Variants in CADPS observed in about 807,000 individuals in gnomAD.
CADPS encodes the protein calcium-dependent secretion activator 1.
A neutral mutation model predicts 167.3 loss-of-function variants in CADPS; 57 were observed. The observed-to-expected ratio is 0.34, with a 90% confidence interval of 0.28 to 0.42. The LOEUF (loss-of-function observed/expected upper bound fraction) is 0.42. CADPS is among the 20% of genes least tolerant of loss of function. The pLI, the probability that CADPS is intolerant of heterozygous loss-of-function variation, is 1.00. For missense variants in CADPS, 1,414 were observed against 1,738.1 expected (o/e 0.81, Z 3.32); for synonymous variants, 676 against 635.3 (o/e 1.06, Z -0.96).
chr3:62,428,673 A>T (rs774610795), intron 28 of CADPS, among the ~76,000 whole-genome samples: 22 of 152,132 alleles, frequency 1.4e-4, no homozygotes, highest in Non-Finnish European at 2.4e-4. Context: ...TTTTTGTGTG[A>T]TGATGGCAGT....
chr3:62,523,952 G>A (rs904594214), intron 13 of CADPS, among the ~76,000 whole-genome samples: 6 of 152,162 alleles, frequency 3.9e-5, no homozygotes, highest in South Asian at 2.1e-4. Flanking sequence ...TACTTGCTAC[G>A]AAATTGTTCC....
chr3:62,423,031 G>A (rs959999291), intron 28 of CADPS, among the ~76,000 whole-genome samples: 1 of 152,206 alleles, frequency 6.6e-6, no homozygotes. Context: ...AGAACACAGA[G>A]GGAGAGATAG....
In CADPS at chr3:62,438,177, G is replaced by A; in HGVS notation, c.3704C>T (p.Thr1235Ile). 3 of 1,613,738 alleles carry A rather than the reference G, an allele frequency of 1.9e-6. No homozygotes were observed. The highest frequency in any genetic ancestry group is 2.5e-6 in the Non-Finnish European group (3 of 1,179,714). ...PGMDVADAYV[T>I]FVRHSQDVLR... ...GACATCCTGAGAATGGCGGACGAAAGTCACGTAGGCGTCGGCCACGTCCAT... is the reference window on the plus strand; with the variant it reads ...GACATCCTGAGAATGGCGGACGAAAATCACGTAGGCGTCGGCCACGTCCAT... The change falls in exon 28 of 30, where the codon ACT becomes ATT. Residue 1235 changes from threonine to isoleucine, a missense_variant. Thr to Ile is a moderately conservative substitution (Grantham distance 89). Coordinates refer to ENST00000383710, the MANE Select transcript of CADPS (RefSeq NM_003716.4). The surrounding 1 kb of genome is among the most constrained non-coding windows in gnomAD (Gnocchi z 4.7).
chr3:62,715,550 T>C (rs1192221405), intron 3 of CADPS, among the ~76,000 whole-genome samples: 1 of 151,058 alleles, frequency 6.6e-6, no homozygotes, highest in Non-Finnish European at 1.5e-5. Context: ...CATATGCACA[T>C]TAAATATCAT....
chr3:62,629,427 G>A (rs778794769), intron 6 of CADPS, among the ~76,000 whole-genome samples: 2 of 152,202 alleles, frequency 1.3e-5, no homozygotes, highest in Non-Finnish European at 2.9e-5. Flanking sequence ...GCTTATCAAT[G>A]TTGGAGCATG....
At chr3:62,859,874 G>A (rs72884004) in intron 1 of CADPS, among the ~76,000 whole-genome samples, 3,031 of 152,216 alleles carry the variant, frequency 0.02, 103 homozygotes, top group African/African-American at 0.069. Flanking sequence ...TCAAGACAAG[G>A]TCAAGGCCAA....
intron 3 of CADPS, among the ~76,000 whole-genome samples, chr3:62,706,372 A>G (rs970844121): frequency 8.5e-5 from 13 of 152,048 alleles, no homozygotes; most frequent in African/African-American, 2.9e-4. Context: ...TTTCCTCATT[A>G]ATTTGATCAC....
rs748912575 is a variant in CADPS, at chr3:62,458,662, T to C, written c.3636+6705A>G. On this transcript the variant is annotated intron_variant, in intron 26 of 29. Transcript: ENST00000383710. The surrounding 1 kb of genome is among the most constrained non-coding windows in gnomAD (Gnocchi z 4.6). ...TGCCACCATGCCTGGCTAATTTTTG[T>C]ATTTTTAGTAGAGATGGAGTTTCAC... 4.6e-5 allele frequency among the ~76,000 whole-genome samples: 7 copies of C among 152,128 alleles called. No homozygotes were observed. The highest frequency in any genetic ancestry group is 7.4e-5 in the Non-Finnish European group (5 of 68,022).
chr3:62,782,109 T>C (rs1459921585), intron 1 of CADPS, among the ~76,000 whole-genome samples: 1 of 152,144 alleles, frequency 6.6e-6, no homozygotes, highest in Non-Finnish European at 1.5e-5. Flanking sequence ...GGAATGTTGG[T>C]TAAAAACATA....
intron 1 of CADPS, among the ~76,000 whole-genome samples, chr3:62,774,076 T>C (rs1326550954): frequency 2.0e-5 from 3 of 152,016 alleles, no homozygotes; most frequent in African/African-American, 7.2e-5. Context: ...AACAATTATC[T>C]AGCAGAAGAG....
At chr3:62,779,675 G>A (rs1380180254) in intron 1 of CADPS, 13 of 513,380 alleles carry the variant, frequency 2.5e-5, no homozygotes, top group Middle Eastern at 4.3e-4. Context: ...AAGGTCCACC[G>A]ACCAAAGCCC....
At chr3:62,470,370 T>TA in intron 24 of CADPS, among the ~76,000 whole-genome samples, 1 of 152,320 alleles carries the variant, frequency 6.6e-6, no homozygotes, top group South Asian at 2.1e-4. Context: ...ACAAACTACA[T>TA]AAAAACATTG....
At chr3:62,621,852 G>C (rs1165873093) in intron 6 of CADPS, among the ~76,000 whole-genome samples, 2 of 150,044 alleles carry the variant, frequency 1.3e-5, no homozygotes, top group African/African-American at 4.9e-5. Flanking sequence ...TTGTTTTTCT[G>C]TTCCTGTGTT....
At chr3:62,737,976 C>T (rs948681812) in intron 3 of CADPS, among the ~76,000 whole-genome samples, 1 of 151,886 alleles carries the variant, frequency 6.6e-6, no homozygotes, top group Non-Finnish European at 1.5e-5. Flanking sequence ...TCTTGTTTTG[C>T]CCATTAAACA....
At chr3:62,854,105 T>G (rs2079170922) in intron 1 of CADPS, among the ~76,000 whole-genome samples, 1 of 152,142 alleles carries the variant, frequency 6.6e-6, no homozygotes, top group Non-Finnish European at 1.5e-5. Flanking sequence ...AAATATATAT[T>G]TGGAATGAAC....
intron 16 of CADPS, among the ~76,000 whole-genome samples, 192 bp from the exon 17 acceptor site, chr3:62,512,960 G>A (rs1010326608): frequency 6.6e-6 from 1 of 152,050 alleles, no homozygotes; most frequent in Non-Finnish European, 1.5e-5. Context: ...TCACAGAGGT[G>A]GAAAATGCTG....
chr3:62,544,848 C>G lies in CADPS; in HGVS notation c.1966+5055G>C. 8.0e-7 allele frequency: 1 copy of G among 1,244,628 alleles called. No homozygotes were observed. The highest frequency in any genetic ancestry group is 1.0e-6 in the Non-Finnish European group (1 of 967,764). 77.1% of individuals were successfully genotyped at this position (1,244,628 alleles called of 1,614,324 possible). The stretch of plus-strand genomic sequence containing the variant: ...GTGCTAGCTATAGGGGAGCACTTAC[C>G]CTTCAGTCCAGCTAGAAGTTAGCAG... On this transcript the variant is annotated intron_variant, in intron 11 of 29. Transcript: ENST00000383710. This position sits in a 1 kb window ranked among gnomAD's most constrained non-coding sequence, Gnocchi z 4.4.
At chr3:62,501,219 C>G (rs2151318235) in intron 17 of CADPS, among the ~76,000 whole-genome samples, 1 of 152,244 alleles carries the variant, frequency 6.6e-6, no homozygotes, top group South Asian at 2.1e-4. Context: ...ATTGCCTGGT[C>G]TAGAGCAACA....
At chr3:62,649,394 T>C (rs904991802) in intron 5 of CADPS, among the ~76,000 whole-genome samples, 1 of 152,104 alleles carries the variant, frequency 6.6e-6, no homozygotes, top group Non-Finnish European at 1.5e-5. Flanking sequence ...ACCATCATCA[T>C]AAATTAGTTT....
Sources: gnomAD v4.1 joint callset for allele counts (sites outside exome capture counted in the v4.1 genomes callset) on GRCh38, gnomAD v4.1.1 for gene constraint, Gnocchi (gnomAD v3.1) non-coding constraint, MANE v1.5 for transcripts, NCBI Gene and HGNC (gene_info 2026-07-23, HGNC 2026-07-21) for gene names.